Variants in CEP350 observed in about 807,000 individuals in gnomAD.
CEP350 encodes centrosomal protein 350.
In CEP350, 126 loss-of-function variants were observed where a neutral mutation model predicts 331.8. The ratio of observed to expected loss-of-function variants is 0.38; its 90% CI spans 0.33 to 0.44. The LOEUF (loss-of-function observed/expected upper bound fraction) is 0.44. Ranked by LOEUF, CEP350 falls within the 20% of genes least tolerant of loss-of-function variation. CEP350 has a pLI of 1.00. For missense variants in CEP350, 3,406 were observed against 3,634.6 expected (o/e 0.94, Z 1.62); for synonymous variants, 1,200 against 1,259.5 (o/e 0.95, Z 1.00).
intron 1 of CEP350, among the ~76,000 whole-genome samples, chr1:179,977,563 G>A (rs1651962418): frequency 6.6e-6 from 1 of 152,150 alleles, no homozygotes; most frequent in African/African-American, 2.4e-5. Flanking sequence ...ATCACTTGAT[G>A]TGAAGAAGAA....
At position 180,041,267 on chromosome 1, in the gene CEP350, G is replaced by A. The variant is rs1237980690; in HGVS notation, c.4221+19G>A. On this transcript the variant is annotated intron_variant, in intron 18 of 37. Transcript: ENST00000367607. The stretch of plus-strand genomic sequence containing the variant: ...AGCTCAGGTAACTTATTTTGCAGCA[G>A]GTTCTTGTTTTTTAAACCTAAATTT... 1 of 1,528,140 alleles carries A rather than the reference G, an allele frequency of 6.5e-7. No individual in the cohort carries two copies. Among genetic ancestry groups the A allele is most frequent in the Non-Finnish European group, 8.8e-7 (1 of 1,135,656 alleles). 94.7% of individuals were successfully genotyped at this position (1,528,140 alleles called of 1,614,324 possible).
intron 14 of CEP350, among the ~76,000 whole-genome samples, chr1:180,027,663 G>A (rs1312027464): frequency 3.3e-5 from 5 of 152,156 alleles, no homozygotes; most frequent in Non-Finnish European, 5.9e-5. Flanking sequence ...GGGATTATAG[G>A]CGTGAGCCAC....
intron 11 of CEP350, among the ~76,000 whole-genome samples, chr1:180,018,946 C>T (rs888575266): frequency 6.6e-6 from 1 of 151,022 alleles, no homozygotes; most frequent in African/African-American, 2.4e-5. Flanking sequence ...TCCTCCACCT[C>T]TCGGGTTCAA....
intron 7 of CEP350, among the ~76,000 whole-genome samples, chr1:180,005,023 C>A (rs1437886388): frequency 1.4e-5 from 2 of 143,286 alleles, no homozygotes; most frequent in African/African-American, 5.2e-5. Context: ...TCTTCCCTTT[C>A]TTTCATTTTC....
At chr1:180,066,583 A>T (rs556307861) in intron 27 of CEP350, among the ~76,000 whole-genome samples, 1 of 152,354 alleles carries the variant, frequency 6.6e-6, no homozygotes, top group Admixed American at 6.5e-5. Flanking sequence ...ACTTAAAAAT[A>T]CCTAAATTGA....
chr1:179,997,041 A>G lies in CEP350; in HGVS notation c.884A>G (p.His295Arg). The change falls in exon 6 of 38, where the codon CAC becomes CGC. Residue 295 changes from histidine (H) to arginine (R), a missense_variant. Coordinates refer to ENST00000367607, the MANE Select transcript of CEP350 (RefSeq NM_014810.5). ...GAACGGATTAGAAAACAGTGGGAAC[A>G]CTCAGAAGAAACAAATGGCCGGGGC... is the stretch of plus-strand genomic sequence containing the variant. Reference protein sequence around the residue: ...LKERIRKQWEHSEETNGRGQK... With the variant: ...LKERIRKQWERSEETNGRGQK... The G allele has an allele frequency of 6.2e-7, 1 of 1,614,028 alleles. No homozygotes were observed. Among genetic ancestry groups the G allele is most frequent in the Non-Finnish European group, 8.5e-7 (1 of 1,179,896 alleles).
chr1:179,971,074 G>A (rs1651417517), intron 1 of CEP350, among the ~76,000 whole-genome samples: 1 of 151,452 alleles, frequency 6.6e-6, no homozygotes, highest in Non-Finnish European at 1.5e-5. Flanking sequence ...TGTCGCTCAG[G>A]CTGGAGTGCA....
At chr1:179,961,419 G>A (rs942395147) in intron 1 of CEP350, among the ~76,000 whole-genome samples, 49 of 152,284 alleles carry the variant, frequency 3.2e-4, no homozygotes, top group Non-Finnish European at 5.7e-4. Context: ...CTGCACTCCA[G>A]CCAGGGCGAC....
chr1:180,027,338 T>C (rs1192905642), intron 14 of CEP350, among the ~76,000 whole-genome samples: 1 of 152,154 alleles, frequency 6.6e-6, no homozygotes, highest in Non-Finnish European at 1.5e-5. Context: ...CTAAATAAAC[T>C]CTAGACCCAT....
intron 31 of CEP350, among the ~76,000 whole-genome samples, chr1:180,086,367 A>G (rs1334071990): frequency 2.0e-5 from 3 of 152,168 alleles, no homozygotes; most frequent in Non-Finnish European, 4.4e-5. Context: ...ATAAAGTACT[A>G]TTAGAATGAA....
chr1:180,037,973 G>C (rs1447659658), intron 17 of CEP350, among the ~76,000 whole-genome samples: 2 of 152,044 alleles, frequency 1.3e-5, no homozygotes, highest in African/African-American at 4.8e-5. Context: ...TTTGACCAGT[G>C]TATATACCTA....
intron 11 of CEP350, among the ~76,000 whole-genome samples, chr1:180,016,237 CAATA>C (rs907777405): frequency 1.3e-5 from 2 of 152,148 alleles, no homozygotes; most frequent in African/African-American, 4.8e-5. Context: ...ACTAAACACA[CAATA>C]AAAGTGTGTT....
chr1:180,024,030 A>G (rs1322052856), intron 13 of CEP350, among the ~76,000 whole-genome samples: 2 of 152,100 alleles, frequency 1.3e-5, no homozygotes, highest in African/African-American at 4.8e-5. Flanking sequence ...TCACCAATCA[A>G]TATGATTTGA....
intron 7 of CEP350, among the ~76,000 whole-genome samples, chr1:180,005,530 T>C (rs1358725256): frequency 6.6e-6 from 1 of 152,188 alleles, no homozygotes; most frequent in Non-Finnish European, 1.5e-5. Flanking sequence ...ATTATTCTGG[T>C]AGTCTCCTCA....
intron 21 of CEP350, among the ~76,000 whole-genome samples, chr1:180,046,811 C>T (rs545669521): frequency 2.0e-5 from 3 of 152,176 alleles, no homozygotes; most frequent in Non-Finnish European, 4.4e-5. Flanking sequence ...AAGTACCTAG[C>T]ACACAGTAGG....
At chr1:180,048,823 C>A in intron 22 of CEP350, 118 bp downstream of exon 22, 1 of 759,324 alleles carries the variant, frequency 1.3e-6, no homozygotes, top group Non-Finnish European at 2.1e-6. Flanking sequence ...AATTCCAGCA[C>A]TTTGGGAGGC....
intron 1 of CEP350, among the ~76,000 whole-genome samples, chr1:179,958,238 T>C (rs1345939466): frequency 1.3e-5 from 2 of 152,174 alleles, no homozygotes; most frequent in Non-Finnish European, 2.9e-5. Flanking sequence ...TATAAATTGA[T>C]ACCATTGGAG....
intron 27 of CEP350, among the ~76,000 whole-genome samples, chr1:180,069,146 A>G (rs1477196688): frequency 6.6e-6 from 1 of 152,226 alleles, no homozygotes; most frequent in Non-Finnish European, 1.5e-5. Context: ...CATTCATTGC[A>G]GACCGAGGTA....
chr1:180,020,415 G>A lies in CEP350; in HGVS notation c.2641G>A (p.Val881Met), dbSNP rs1177104046. 2 of 1,613,884 alleles carry A rather than the reference G, an allele frequency of 1.2e-6. No homozygotes were observed. Among genetic ancestry groups the A allele is most frequent in the South Asian group, 2.2e-5 (2 of 91,080 alleles). The change falls in exon 12 of 38, where the codon GTG becomes ATG. Residue 881 changes from valine (V) to methionine (M), a missense_variant. Transcript: ENST00000367607. ...GPWTKAVTPP[V>M]KDDNEDVFSA... is the part of the protein sequence containing the mutation. ...TTGGACCAAGGCTGTAACTCCACCT[G>A]TGAAAGATGATAATGAAGATGTTTT...
Sources: allele counts gnomAD v4.1 joint callset (sites outside exome capture counted in the v4.1 genomes callset), GRCh38; gene constraint gnomAD v4.1.1; transcripts MANE v1.5; gene names NCBI Gene and HGNC (gene_info 2026-07-23, HGNC 2026-07-21).